The following DTHD1 variants were observed in gnomAD, a reference collection of about 807,000 sequenced individuals.
DTHD1 encodes death domain-containing protein 1.
A neutral mutation model predicts 74.8 loss-of-function variants in DTHD1; 59 were observed. The ratio of observed to expected loss-of-function variants is 0.79; its 90% CI spans 0.64 to 0.98. The LOEUF is 0.98. Among genes scored for constraint, DTHD1 ranks in the 50% least tolerant of loss-of-function variants. DTHD1 has a pLI of 0.00. For missense variants in DTHD1, 1,051 were observed against 1,065.4 expected (o/e 0.99, Z 0.19); for synonymous variants, 365 against 371.1 (o/e 0.98, Z 0.19).
rs1755583538 is a variant in DTHD1, at chr4:36,284,439, A to T, written c.735A>T (p.Thr245=). The change falls in exon 2 of 10, where the codon ACA becomes ACT. Residue 245 remains threonine (T), a synonymous_variant. Transcript: ENST00000639862. ...NREETHGIIQ[T]TETEIQETSE... The stretch of plus-strand genomic sequence containing the variant: ...AAGAGACTCATGGCATAATTCAGAC[A>T]ACAGAGACAGAAATTCAAGAGACTT... The T allele has an allele frequency of 6.5e-7, 1 of 1,537,032 alleles. No homozygotes were observed. Among genetic ancestry groups the T allele is most frequent in the African/African-American group, 1.4e-5 (1 of 73,040 alleles).
chr4:36,309,445 G>C (rs1330292089), intron 7 of DTHD1, among the ~76,000 whole-genome samples: 1 of 152,142 alleles, frequency 6.6e-6, no homozygotes, highest in African/African-American at 2.4e-5. Flanking sequence ...TACCTTGCTT[G>C]CTTCTTTTCC....
rs539474057 is a variant in DTHD1 at position 36,284,621 on chromosome 4, A to G, written c.887+30A>G. ...GTAAATGCAATGTGGGAAGTGCTTA[A>G]GTATGCCTACTTATATGTGTGTTTC... On this transcript the variant is annotated intron_variant, in intron 2 of 9. Transcript: ENST00000639862. The G allele has an allele frequency of 1.3e-4, 183 of 1,433,882 alleles. No homozygotes were observed. The African/African-American group carries it at 2.0e-3, about 16-fold the overall frequency. The allele number at this position is 1,433,882 out of a possible 1,614,324, so 88.8% of individuals were successfully genotyped here. A position where few individuals can be genotyped will look rare whatever the true frequency, so the allele number is the denominator to read the frequency against.
intron 5 of DTHD1, among the ~76,000 whole-genome samples, chr4:36,305,381 G>A (rs10030383): frequency 0.08 from 12,159 of 152,082 alleles, 1,175 homozygotes; most frequent in African/African-American, 0.23. Context: ...ATGGCAGAAG[G>A]CAAGAGAGAA....
intron 9 of DTHD1, 39 bp from the exon 10 acceptor site, chr4:36,343,463 G>A (rs1199973049): frequency 3.3e-6 from 5 of 1,522,596 alleles, no homozygotes; most frequent in Non-Finnish European, 1.8e-6. Flanking sequence ...TCCCCCAGGA[G>A]AGGGTCCTAA....
intron 9 of DTHD1, among the ~76,000 whole-genome samples, chr4:36,341,209 C>T (rs1759294848): frequency 6.6e-6 from 1 of 151,970 alleles, no homozygotes; most frequent in Admixed American, 6.6e-5. Flanking sequence ...AGAAATACCA[C>T]AATAGCTTGA....
rs1312681697 is a variant in DTHD1, at chr4:36,290,403, C to T, written c.918C>T (p.Gly306=). ...EYLDVLSDVT[G]PQVSCYITAP... Reference sequence around the variant, plus strand: ...TTGATGTGCTGAGTGATGTTACTGGCCCCCAAGTGTCTTGTTATATTACAG... The same window carrying T: ...TTGATGTGCTGAGTGATGTTACTGGTCCCCAAGTGTCTTGTTATATTACAG... The change falls in exon 3 of 10, where the codon GGC becomes GGT. Residue 306 remains glycine (G), a synonymous_variant. Coordinates refer to ENST00000639862, the MANE Select transcript of DTHD1 (RefSeq NM_001170700.3). 3.2e-6 allele frequency: 5 copies of T among 1,551,248 alleles called. No homozygotes were observed. The highest frequency in any genetic ancestry group is 1.2e-5 in the South Asian group (1 of 84,026).
chr4:36,328,542 A>G (rs951558859), intron 8 of DTHD1, among the ~76,000 whole-genome samples: 2 of 152,232 alleles, frequency 1.3e-5, no homozygotes, highest in African/African-American at 4.8e-5. Flanking sequence ...ATACACACAA[A>G]AACAGAGAAA....
chr4:36,325,816 C>G (rs975554680), intron 8 of DTHD1, among the ~76,000 whole-genome samples: 1 of 151,968 alleles, frequency 6.6e-6, no homozygotes, highest in Non-Finnish European at 1.5e-5. Flanking sequence ...ATCTTCAGTC[C>G]CTCTAATATT....
chr4:36,302,550 T>A (rs2109484466), intron 5 of DTHD1, among the ~76,000 whole-genome samples: 1 of 152,330 alleles, frequency 6.6e-6, no homozygotes, highest in East Asian at 1.9e-4. Flanking sequence ...TTGACATAAA[T>A]ATGGCAATAT....
At chr4:36,294,704 G>A (rs780163054) in intron 4 of DTHD1, 91 bp from the exon 5 acceptor site, 10 of 1,252,232 alleles carry the variant, frequency 8.0e-6, no homozygotes, top group Non-Finnish European at 9.6e-6. Flanking sequence ...AAACTATGCT[G>A]CATAGAATTT....
chr4:36,284,377 G>T lies in DTHD1; in HGVS notation c.673G>T (p.Glu225Ter). 6.5e-7 allele frequency: 1 copy of T among 1,537,090 alleles called. No homozygotes were observed. ...AGAAAATGAAGATGATAAACAAATAGAACACATGACTGTTGAGAACATAAA... is the reference window on the plus strand; with the variant it reads ...AGAAAATGAAGATGATAAACAAATATAACACATGACTGTTGAGAACATAAA... ...NAENEDDKQIEHMTVENINGN... is the reference protein window; with the variant it reads ...NAENEDDKQI The change falls in exon 2 of 10, where the codon GAA becomes TAA. Residue 225 changes from glutamate (E) to a stop codon, truncating the protein, a stop_gained. Coordinates refer to ENST00000639862, the MANE Select transcript of DTHD1 (RefSeq NM_001170700.3). LOFTEE classifies it high-confidence loss of function.
intron 8 of DTHD1, among the ~76,000 whole-genome samples, chr4:36,329,960 A>G (rs116820222): frequency 7.8e-4 from 119 of 152,354 alleles, no homozygotes; most frequent in African/African-American, 2.7e-3. Flanking sequence ...TGGTTTAAAT[A>G]GAAGTGTTTC....
chr4:36,284,660 T>C (rs756744728), intron 2 of DTHD1, 69 bp downstream of exon 2: 1 of 1,200,878 alleles, frequency 8.3e-7, no homozygotes, highest in Non-Finnish European at 1.1e-6. Context: ...AGTTAGTACA[T>C]GTCTTAGTTC....
chr4:36,295,537 G>T (rs1212916563), intron 5 of DTHD1, among the ~76,000 whole-genome samples: 1 of 151,838 alleles, frequency 6.6e-6, no homozygotes, highest in Non-Finnish European at 1.5e-5. Flanking sequence ...CCTACATGGT[G>T]TTTTAAGAAA....
At chr4:36,298,992 A>G (rs909589547) in intron 5 of DTHD1, among the ~76,000 whole-genome samples, 2 of 152,196 alleles carry the variant, frequency 1.3e-5, no homozygotes, top group Admixed American at 6.6e-5. Context: ...AGTAAAGCTA[A>G]TATCAAACAA....
At chr4:36,307,724 C>T (rs1200709010) in intron 6 of DTHD1, among the ~76,000 whole-genome samples, 1 of 152,196 alleles carries the variant, frequency 6.6e-6, no homozygotes, top group East Asian at 1.9e-4. Context: ...TCATCTTTCT[C>T]TTCTATATTT....
intron 7 of DTHD1, among the ~76,000 whole-genome samples, chr4:36,309,745 C>A (rs538980942): frequency 4.3e-4 from 66 of 152,260 alleles, no homozygotes; most frequent in Non-Finnish European, 6.3e-4. Flanking sequence ...TTATTGTACA[C>A]TTTAATCAAA....
rs1469874744 is a variant in DTHD1 at position 36,293,725 on chromosome 4, G to C, written c.1398+20G>C. 1 of 1,473,766 alleles carries C rather than the reference G, an allele frequency of 6.8e-7. No homozygotes were observed. The highest frequency in any genetic ancestry group is 1.4e-5 in the South Asian group (1 of 72,902). 91.3% of individuals were successfully genotyped at this position (1,473,766 alleles called of 1,614,324 possible). A position where few individuals can be genotyped will look rare whatever the true frequency, so the allele number is the denominator to read the frequency against. On this transcript the variant is annotated intron_variant, in intron 4 of 9. Coordinates refer to ENST00000639862, the MANE Select transcript of DTHD1 (RefSeq NM_001170700.3). ...TTAAAGGTAAACATATTAAAAATAG[G>C]TGAGTTCCTGCTCATAGATTTTGTG...
intron 8 of DTHD1, among the ~76,000 whole-genome samples, chr4:36,329,992 G>T (rs1388428290): frequency 6.6e-6 from 1 of 152,044 alleles, no homozygotes; most frequent in Non-Finnish European, 1.5e-5. Context: ...ATTTATGTAG[G>T]CAACAAATAT....
Sources: gnomAD v4.1 joint callset for allele counts (sites outside exome capture counted in the v4.1 genomes callset) on GRCh38, gnomAD v4.1.1 for gene constraint, MANE v1.5 for transcripts, NCBI Gene and HGNC (gene_info 2026-07-23, HGNC 2026-07-21) for gene names.